Variants in MCPH1 observed in about 807,000 individuals in gnomAD.
The protein encoded by MCPH1 is microcephalin.
In MCPH1, 104 loss-of-function variants were observed where a neutral mutation model predicts 84.5. The observed-to-expected ratio is 1.23, with a 90% confidence interval of 1.05 to 1.45. The LOEUF is 1.45. Ranked by LOEUF, MCPH1 falls within the 40% of genes most tolerant of loss-of-function variation. MCPH1 has a pLI of 0.00. For missense variants in MCPH1, 1,498 were observed against 1,005.7 expected (o/e 1.49, Z -6.62); for synonymous variants, 514 against 366.8 (o/e 1.40, Z -4.58).
chr8:6,478,287 G>A (rs1298596181), intron 10 of MCPH1, among the ~76,000 whole-genome samples: 1 of 151,882 alleles, frequency 6.6e-6, no homozygotes, highest in Non-Finnish European at 1.5e-5. Context: ...TCCTGCCTGG[G>A]GCTTAGAAAT....
chr8:6,607,439 C>G (rs181486876), intron 12 of MCPH1, among the ~76,000 whole-genome samples: 1 of 152,206 alleles, frequency 6.6e-6, no homozygotes, highest in Admixed American at 6.5e-5. Context: ...GAAACACATA[C>G]TAAATATGTG....
At chr8:6,623,346 C>G (rs919820757) in intron 13 of MCPH1, among the ~76,000 whole-genome samples, 17 of 149,826 alleles carry the variant, frequency 1.1e-4, no homozygotes, top group African/African-American at 4.1e-4. Context: ...TCCCCTCTCT[C>G]TCTCTCAATC....
chr8:6,465,348 C>T (rs1806747342), intron 9 of MCPH1, among the ~76,000 whole-genome samples: 4 of 152,204 alleles, frequency 2.6e-5, no homozygotes, highest in South Asian at 2.1e-4. Context: ...GGCCACTTCC[C>T]GCGGAGCTGT....
chr8:6,552,014 A>T (rs188760335), intron 12 of MCPH1, among the ~76,000 whole-genome samples: 2 of 152,208 alleles, frequency 1.3e-5, no homozygotes, highest in African/African-American at 4.8e-5. Context: ...GATGACCAAG[A>T]ATTGATATCA....
chr8:6,438,486 G>A (rs1563207435), intron 5 of MCPH1, among the ~76,000 whole-genome samples: 3 of 152,108 alleles, frequency 2.0e-5, no homozygotes. Context: ...TCATGGTTCC[G>A]GGACCATGCT....
chr8:6,514,266 T>C (rs1271176520), intron 12 of MCPH1, among the ~76,000 whole-genome samples: 1 of 152,200 alleles, frequency 6.6e-6, no homozygotes, highest in African/African-American at 2.4e-5. Flanking sequence ...CTTGGCTGAC[T>C]GCACCCTCTG....
intron 12 of MCPH1, among the ~76,000 whole-genome samples, chr8:6,526,906 G>C (rs1200670511): frequency 6.6e-6 from 1 of 151,942 alleles, no homozygotes; most frequent in African/African-American, 2.4e-5. Context: ...TTGATCTTGA[G>C]ATTTTTCTAT....
intron 12 of MCPH1, among the ~76,000 whole-genome samples, chr8:6,527,067 C>G (rs970652705): frequency 1.3e-5 from 2 of 152,196 alleles, no homozygotes; most frequent in Non-Finnish European, 2.9e-5. Context: ...TTGAGTGAAG[C>G]TAAGTCCCCA....
At chr8:6,628,183 T>A (rs1337832084) in intron 13 of MCPH1, among the ~76,000 whole-genome samples, 2 of 151,678 alleles carry the variant, frequency 1.3e-5, no homozygotes, top group East Asian at 3.9e-4. Context: ...TTTAAAAGCG[T>A]ATTAAGGCTG....
At chr8:6,625,957 T>C (rs933484913) in intron 13 of MCPH1, 33 of 985,148 alleles carry the variant, frequency 3.3e-5, no homozygotes, top group Non-Finnish European at 4.0e-5. Context: ...TTATTATTAG[T>C]ATTCTGTGGC....
intron 11 of MCPH1, among the ~76,000 whole-genome samples, chr8:6,482,757 G>C (rs1429583331): frequency 6.6e-6 from 1 of 152,160 alleles, no homozygotes; most frequent in East Asian, 1.9e-4. Context: ...AAACAGAACT[G>C]GGTGAAATTT....
At chr8:6,447,166 C>T (rs767804794) in intron 8 of MCPH1, 2 of 985,288 alleles carry the variant, frequency 2.0e-6, no homozygotes, top group Non-Finnish European at 2.4e-6. Context: ...CTAAATCGAA[C>T]CCTTTTATAG....
intron 12 of MCPH1, among the ~76,000 whole-genome samples, chr8:6,576,538 TCCCTCTG>T (rs1310326866): frequency 4.0e-5 from 6 of 150,042 alleles, no homozygotes; most frequent in South Asian, 2.1e-4. Context: ...AGATGTAGTC[TCCCTCTG>T]TCCCCCAGGC....
intron 9 of MCPH1, among the ~76,000 whole-genome samples, chr8:6,461,975 A>G (rs1428868021): frequency 6.6e-6 from 1 of 152,208 alleles, no homozygotes; most frequent in Non-Finnish European, 1.5e-5. Context: ...GTGAGTTATC[A>G]ACAGGATAGC....
chr8:6,409,359 A>G lies in MCPH1; in HGVS notation c.103A>G (p.Met35Val), dbSNP rs1201070996. 1 of 1,612,892 alleles carries G rather than the reference A, an allele frequency of 6.2e-7. No individual in the cohort carries two copies. Among genetic ancestry groups the G allele is most frequent in the South Asian group, 1.1e-5 (1 of 91,054 alleles). ...SKTFTTQLVD[M>V]GAKVSKTFNK... ...GACATTTACAACACAGCTTGTGGAT[A>G]TGGGGGCAAAGGTAAGACACTTATT... is the stretch of plus-strand genomic sequence containing the variant. Residue 35 changes from methionine (M) to valine (V), a missense_variant, in exon 2 of 14, where the codon ATG (methionine) becomes GTG (valine). By Grantham distance (21) the Met-to-Val change is conservative. Coordinates refer to ENST00000344683, the MANE Select transcript of MCPH1 (RefSeq NM_024596.5).
intron 12 of MCPH1, among the ~76,000 whole-genome samples, chr8:6,572,195 AAAAT>A (rs1826715395): frequency 1.3e-5 from 2 of 152,228 alleles, no homozygotes; most frequent in South Asian, 2.1e-4. Context: ...AGAAAAAAAA[AAAAT>A]GAGTAACGTT....
chr8:6,445,618 T>A, intron 8 of MCPH1, 71 bp downstream of exon 8: 2 of 1,510,516 alleles, frequency 1.3e-6, no homozygotes, highest in South Asian at 2.8e-5. Context: ...ATTTTAAATT[T>A]ATCACAACTT....
intron 12 of MCPH1, among the ~76,000 whole-genome samples, chr8:6,551,947 C>T (rs1823723298): frequency 6.6e-6 from 1 of 152,172 alleles, no homozygotes; most frequent in African/African-American, 2.4e-5. Context: ...ACTACGCAGT[C>T]TAATAAAACT....
intron 13 of MCPH1, among the ~76,000 whole-genome samples, chr8:6,638,352 C>G (rs558339057): frequency 6.6e-6 from 1 of 152,186 alleles, no homozygotes; most frequent in East Asian, 1.9e-4. Flanking sequence ...CACATGGGTC[C>G]CGTGTGCTCT....
Sources: allele counts gnomAD v4.1 joint callset (sites outside exome capture counted in the v4.1 genomes callset), GRCh38; gene constraint gnomAD v4.1.1; transcripts MANE v1.5; gene names NCBI Gene and HGNC (gene_info 2026-07-23, HGNC 2026-07-21).